The following TCF12 variants were observed in gnomAD, a reference collection of about 807,000 sequenced individuals.
TCF12 encodes transcription factor 12, also known as DNA-binding protein HTF4.
TCF12 carries 45 observed loss-of-function variants against 86.0 expected under a neutral mutation model. The observed-to-expected ratio is 0.52, with a 90% confidence interval of 0.41 to 0.67. The LOEUF (loss-of-function observed/expected upper bound fraction) is 0.67. TCF12 is among the 30% of genes least tolerant of loss of function. The pLI is 0.00. For synonymous variants in TCF12, 330 were observed against 299.6 expected (o/e 1.10, Z -1.05); for missense variants, 881 against 859.9 (o/e 1.02, Z -0.31).
intron 6 of TCF12, among the ~76,000 whole-genome samples, chr15:57,170,664 TA>T (rs1481146278): frequency 4.0e-5 from 1 of 25,116 alleles, no homozygotes; most frequent in African/African-American, 1.4e-4. Context: ...ATATAAAATA[TA>T]TATATATATA....
chr15:57,133,468 G>A lies in TCF12; in HGVS notation c.326-32934G>A, dbSNP rs76813819. ...AGACTCCAGAGAGCCTGCCCCCTCC[G>A]AGGTCCTCAGGGTGCCATTGATTGG... On this transcript the variant is annotated intron_variant, in intron 5 of 20. Transcript: ENST00000333725. 4.9e-3 allele frequency among the ~76,000 whole-genome samples: 749 copies of A among 152,252 alleles called. 7 individuals carry two copies. Among genetic ancestry groups the A allele is most frequent in the African/African-American group, 0.018 (728 of 41,552 alleles).
intron 12 of TCF12, among the ~76,000 whole-genome samples, chr15:57,237,135 AAGAGAG>A (rs879689203): frequency 2.0e-5 from 3 of 150,352 alleles, no homozygotes; most frequent in African/African-American, 4.9e-5. Context: ...GCAAGGGAAA[AAGAGAG>A]AGAGAGAGTG....
At chr15:57,246,084 G>A (rs1310012649) in intron 13 of TCF12, among the ~76,000 whole-genome samples, 1 of 152,072 alleles carries the variant, frequency 6.6e-6, no homozygotes, top group African/African-American at 2.4e-5. Context: ...ACATTATTTT[G>A]CATCTTGTGT....
intron 3 of TCF12, among the ~76,000 whole-genome samples, chr15:57,000,636 C>T (rs2063970813): frequency 6.6e-6 from 1 of 152,052 alleles, no homozygotes; most frequent in African/African-American, 2.4e-5. Flanking sequence ...AAAATTAAAG[C>T]AGAAATCAAT....
At chr15:57,041,099 C>T (rs1370459423) in intron 3 of TCF12, among the ~76,000 whole-genome samples, 2 of 152,096 alleles carry the variant, frequency 1.3e-5, no homozygotes, top group African/African-American at 4.8e-5. Flanking sequence ...GCAGGATGTC[C>T]TACCTGACAT....
intron 19 of TCF12, among the ~76,000 whole-genome samples, chr15:57,276,613 C>A (rs2061407313): frequency 6.6e-6 from 1 of 151,928 alleles, no homozygotes; most frequent in Non-Finnish European, 1.5e-5. Context: ...AATTTCAGAG[C>A]ATTCGGGTAA....
rs149032649 is a variant in TCF12 at position 57,248,704 on chromosome 15, C to T, written c.1115-2646C>T. ...TTTAACAAAGTGCGTTACACTGGAA[C>T]GGGCCAGTCTGTAATACAAACAAAA... On this transcript the variant is annotated intron_variant, in intron 13 of 20. Transcript: ENST00000333725. Among the ~76,000 whole-genome samples, 477 of 152,274 alleles carry T rather than the reference C, an allele frequency of 3.1e-3. 2 individuals carry two copies. Among genetic ancestry groups the T allele is most frequent in the African/African-American group, 0.011 (459 of 41,552 alleles).
chr15:57,000,633 A>C (rs532120203), intron 3 of TCF12, among the ~76,000 whole-genome samples: 1 of 152,300 alleles, frequency 6.6e-6, no homozygotes, highest in East Asian at 1.9e-4. Flanking sequence ...ATAAAAATTA[A>C]AGCAGAAATC....
At chr15:57,056,372 C>T (rs1443810990) in intron 3 of TCF12, among the ~76,000 whole-genome samples, 1 of 152,004 alleles carries the variant, frequency 6.6e-6, no homozygotes, top group African/African-American at 2.4e-5. Context: ...GAACTCCTGA[C>T]CTCAGGTGAT....
intron 6 of TCF12, among the ~76,000 whole-genome samples, chr15:57,183,959 A>C (rs193094846): frequency 6.6e-6 from 1 of 152,130 alleles, no homozygotes; most frequent in Non-Finnish European, 1.5e-5. Flanking sequence ...CCTGTTCATC[A>C]TTTAGATTAT....
At chr15:57,282,630 A>C in intron 20 of TCF12, 32 bp downstream of exon 20, 1 of 1,594,798 alleles carries the variant, frequency 6.3e-7, no homozygotes, top group Non-Finnish European at 8.5e-7. Flanking sequence ...AACAGCAAGG[A>C]AATAACCTTA....
intron 3 of TCF12, among the ~76,000 whole-genome samples, chr15:56,959,645 G>A (rs1390774516): frequency 6.6e-6 from 1 of 152,170 alleles, no homozygotes; most frequent in African/African-American, 2.4e-5. Context: ...TGTAAATTGA[G>A]AAATTGGGGA....
At chr15:57,068,404 G>A (rs1373661016) in intron 4 of TCF12, among the ~76,000 whole-genome samples, 1 of 152,072 alleles carries the variant, frequency 6.6e-6, no homozygotes, top group Non-Finnish European at 1.5e-5. Flanking sequence ...TATTCTAAGT[G>A]TAATAAATGA....
intron 3 of TCF12, among the ~76,000 whole-genome samples, chr15:57,020,638 T>C (rs1339996538): frequency 6.6e-6 from 1 of 152,202 alleles, no homozygotes; most frequent in East Asian, 1.9e-4. Context: ...ACTAAATAGA[T>C]GGATAAGGTC....
At chr15:57,184,127 C>T (rs1388780824) in intron 6 of TCF12, among the ~76,000 whole-genome samples, 4 of 151,410 alleles carry the variant, frequency 2.6e-5, no homozygotes, top group Admixed American at 6.6e-5. Flanking sequence ...GTCCCTCTGA[C>T]GTATTAGATT....
At position 57,289,621 on chromosome 15, in the gene TCF12, G is replaced by A. The variant is rs1567062675; in HGVS notation, c.*3476G>A. Reference sequence around the variant, plus strand: ...ACACGTCGTGTGTGTGTGTGTGTGTGTGTCTGTGTGTGTGTGACTTAAAGA... The same window carrying A: ...ACACGTCGTGTGTGTGTGTGTGTGTATGTCTGTGTGTGTGTGACTTAAAGA... On this transcript the variant is annotated 3_prime_UTR_variant, in exon 21 of 21. Coordinates refer to ENST00000333725, the MANE Select transcript of TCF12 (RefSeq NM_207037.2). 1 of 151,760 alleles carries A rather than the reference G, an allele frequency of 6.6e-6. No homozygotes were observed. The highest frequency in any genetic ancestry group is 1.5e-5 in the Non-Finnish European group (1 of 67,956). 9.4% of individuals were successfully genotyped at this position (151,760 alleles called of 1,614,324 possible).
At chr15:57,253,730 T>G (rs1429761814) in intron 16 of TCF12, among the ~76,000 whole-genome samples, 2 of 152,202 alleles carry the variant, frequency 1.3e-5, no homozygotes, top group Admixed American at 6.5e-5. Context: ...GTGTAATAAT[T>G]GGCACAGCAG....
chr15:57,177,114 A>C (rs2055971365), intron 6 of TCF12, among the ~76,000 whole-genome samples: 1 of 152,132 alleles, frequency 6.6e-6, no homozygotes, highest in Admixed American at 6.5e-5. Flanking sequence ...TTGAATCTGA[A>C]CCATGTGATC....
At chr15:56,949,717 GCC>G (rs2061176002) in intron 3 of TCF12, among the ~76,000 whole-genome samples, 1 of 152,168 alleles carries the variant, frequency 6.6e-6, no homozygotes, top group Non-Finnish European at 1.5e-5. Context: ...CATAGATATG[GCC>G]CTTCTGGAAG....
Sources: allele counts gnomAD v4.1 joint callset (sites outside exome capture counted in the v4.1 genomes callset), GRCh38; gene constraint gnomAD v4.1.1; transcripts MANE v1.5; gene names NCBI Gene and HGNC (gene_info 2026-07-23, HGNC 2026-07-21).